The following DCT variants were observed in gnomAD, a reference collection of about 807,000 sequenced individuals.
DCT encodes L-dopachrome tautomerase.
DCT carries 47 observed loss-of-function variants against 53.0 expected under a neutral mutation model. The ratio of observed to expected loss-of-function variants is 0.89; its 90% confidence interval spans 0.70 to 1.13. The LOEUF (loss-of-function observed/expected upper bound fraction) is 1.13. Among genes scored for constraint, DCT ranks in the 50% most tolerant of loss-of-function variants. DCT has a pLI of 0.00. For synonymous variants in DCT, 244 were observed against 237.0 expected (o/e 1.03, Z -0.27); for missense variants, 669 against 637.4 (o/e 1.05, Z -0.53).
Position 94,458,299 on chromosome 13 carries a change from T to G in DCT, c.1179+1792A>C, listed in dbSNP as rs567290564. Among the ~76,000 whole-genome samples the G allele has an allele frequency of 7.6e-4, 115 of 152,104 alleles. 1 individual carries two copies. In the South Asian group the frequency reaches 0.022, roughly 29 times the overall value. Reference sequence around the variant, plus strand: ...ATCACCTAGCACAAGCCCAAACCCTTTCTGTCTTTTCCAACACCCACTGGC... The same window carrying G: ...ATCACCTAGCACAAGCCCAAACCCTGTCTGTCTTTTCCAACACCCACTGGC... On this transcript the variant is annotated intron_variant, in intron 6 of 7. Transcript: ENST00000377028.
At chr13:94,547,922 C>T in the DCT span, among the ~76,000 whole-genome samples, 2 of 139,178 alleles carry the variant, frequency 1.4e-5, no homozygotes, top group African/African-American at 5.6e-5. Flanking sequence ...CCTGGGACAC[C>T]ACTGCACTCC....
rs762895555 is a variant in DCT, at chr13:94,468,785, C to CA, written c.555dup (p.Val186CysfsTer9). 285 of 1,614,026 alleles carry CA rather than the reference C, an allele frequency of 1.8e-4. No homozygotes were observed. The highest frequency in any genetic ancestry group is 2.3e-4 in the Non-Finnish European group (274 of 1,180,040). On this transcript the variant is annotated frameshift_variant, in exon 2 of 8. Coordinates refer to ENST00000377028, the MANE Select transcript of DCT (RefSeq NM_001922.5). LOFTEE classifies it high-confidence loss of function. ...CTAACAGAATAATAATGGAGCCACACAAAAAAATCATAAACACTGCAGTTG... is the reference window on the plus strand; with the variant it reads ...CTAACAGAATAATAATGGAGCCACACAAAAAAAATCATAAACACTGCAGTTG...
chr13:94,493,283 C>T, the DCT span, among the ~76,000 whole-genome samples: 2 of 152,000 alleles, frequency 1.3e-5, no homozygotes, highest in South Asian at 2.1e-4. Flanking sequence ...CTGCCCCCCA[C>T]GACTTATGCT....
intron 4 of DCT, among the ~76,000 whole-genome samples, chr13:94,464,139 C>T (rs778837607): frequency 1.4e-4 from 21 of 152,176 alleles, no homozygotes; most frequent in South Asian, 2.1e-4. Flanking sequence ...TGTCCCTGCT[C>T]GTGGAGCACT....
intron 6 of DCT, chr13:94,445,784 A>G (rs2139283753): frequency 6.5e-7 from 1 of 1,539,166 alleles, no homozygotes; most frequent in Middle Eastern, 1.7e-4. Flanking sequence ...AAAATTTAAT[A>G]GAAATTTTGT....
chr13:94,527,405 G>GCAATATTT, the DCT span, among the ~76,000 whole-genome samples: 3 of 152,256 alleles, frequency 2.0e-5, no homozygotes, highest in East Asian at 5.8e-4. Flanking sequence ...CAAACAGGCA[G>GCAATATTT]GTGCCCCCTG....
Position 94,479,160 on chromosome 13 carries a change from C to T in DCT, c.96G>A (p.Val32=), listed in dbSNP as rs1473443555. 6.2e-7 allele frequency: 1 copy of T among 1,614,036 alleles called. No individual in the cohort carries two copies. The highest frequency in any genetic ancestry group is 1.1e-5 in the South Asian group (1 of 91,082). The change falls in exon 1 of 8, where the codon GTG becomes GTA. Residue 32 remains valine, a synonymous_variant. Coordinates refer to ENST00000377028, the MANE Select transcript of DCT (RefSeq NM_001922.5). ...AGCACTCCTTGTTCACTAGGCTGTC[C>T]ACCGTCATGCAGACTCGGGGGAACT... ...QGQFPRVCMT[V]DSLVNKECCP... is the part of the protein sequence containing the mutation.
Position 94,469,032 on chromosome 13 carries a change from G to C in DCT, c.309C>G (p.Gly103=), listed in dbSNP as rs1461152800. Residue 103 remains glycine (G), a synonymous_variant, in exon 2 of 8, where the codon GGC becomes GGG. Transcript: ENST00000377028. ...CAAACTTGCAGTCTCCACAATTATA[G>C]CCGGCAAAGTTTCCTAGTTCACAAA... The part of the protein sequence containing the change: ...RTCKCTGNFA[G]YNCGDCKFGW... 5 of 1,612,214 alleles carry C rather than the reference G, an allele frequency of 3.1e-6. No homozygotes were observed. The highest frequency in any genetic ancestry group is 4.2e-6 in the Non-Finnish European group (5 of 1,178,308).
chr13:94,462,176 T>C lies in DCT; in HGVS notation c.877A>G (p.Asn293Asp), dbSNP rs1249936350. Reference protein sequence around the residue: ...ETVCDSLDDYNHLVTLCNGTY... With the variant: ...ETVCDSLDDYDHLVTLCNGTY... ...CCATTGCACAAGGTGACCAGGTGGTTGTAGTCATCCAAGCTAAGATTTGTA... is the reference window on the plus strand; with the variant it reads ...CCATTGCACAAGGTGACCAGGTGGTCGTAGTCATCCAAGCTAAGATTTGTA... Residue 293 changes from asparagine (N) to aspartate (D), a missense_variant, in exon 5 of 8, where the codon AAC (asparagine) becomes GAC (aspartate). Asn to Asp is a conservative substitution (Grantham distance 23, BLOSUM62 1). Transcript: ENST00000377028. 1.9e-6 allele frequency: 3 copies of C among 1,612,168 alleles called. No homozygotes were observed. In the African/African-American group the frequency reaches 4.0e-5, roughly 22 times the overall value.
chr13:94,479,958 G>A (rs1170794257), upstream of DCT, among the ~76,000 whole-genome samples: 4 of 152,128 alleles, frequency 2.6e-5, no homozygotes, highest in South Asian at 2.1e-4. Flanking sequence ...TGAGCTCTTC[G>A]TCAAAGACCC....
At chr13:94,460,045 C>A (rs1883675588) in intron 6 of DCT, 46 bp downstream of exon 6, 1 of 1,578,034 alleles carries the variant, frequency 6.3e-7, no homozygotes, top group East Asian at 2.2e-5. Context: ...ATAAATCTGA[C>A]ATATTATCTA....
the DCT span, among the ~76,000 whole-genome samples, chr13:94,485,076 G>A: frequency 7.4e-6 from 1 of 135,996 alleles, no homozygotes; most frequent in Non-Finnish European, 1.6e-5. Flanking sequence ...TCCATGGCAG[G>A]ACTTGAGACA....
chr13:94,480,848 A>C (rs889212270), upstream of DCT, among the ~76,000 whole-genome samples: 6 of 152,254 alleles, frequency 3.9e-5, no homozygotes, highest in Admixed American at 3.9e-4. Context: ...ATCAGCTAAA[A>C]GAGACCATGT....
At position 94,439,761 on chromosome 13, in the gene DCT, T is replaced by C; in HGVS notation, c.*137A>G. ...AAACTACAGCTAAGCATCTTCTGAA[T>C]GAGATCATCATCACTATAGAAGAAC... On this transcript the variant is annotated 3_prime_UTR_variant, in exon 8 of 8. Transcript: ENST00000377028. 1.6e-6 allele frequency: 1 copy of C among 625,088 alleles called. No homozygotes were observed. The highest frequency in any genetic ancestry group is 2.6e-6 in the Non-Finnish European group (1 of 380,020). The allele number at this position is 625,088 out of a possible 1,614,324, so 38.7% of individuals were successfully genotyped here.
intron 6 of DCT, among the ~76,000 whole-genome samples, chr13:94,456,358 T>C (rs1194974028): frequency 2.6e-5 from 4 of 152,188 alleles, no homozygotes; most frequent in Admixed American, 2.6e-4. Flanking sequence ...CTTAGAATCA[T>C]TGAAAGCTAT....
the DCT span, among the ~76,000 whole-genome samples, chr13:94,488,310 G>T: frequency 1.3e-5 from 2 of 152,056 alleles, no homozygotes; most frequent in East Asian, 3.9e-4. Flanking sequence ...TTTGTAAGAG[G>T]TTGTATGGGC....
chr13:94,519,549 T>G, the DCT span, among the ~76,000 whole-genome samples: 1 of 152,186 alleles, frequency 6.6e-6, no homozygotes, highest in Non-Finnish European at 1.5e-5. Flanking sequence ...TAAAAGGGGT[T>G]ATTTCAGCAT....
chr13:94,462,475 T>C (rs1883878312), intron 4 of DCT, among the ~76,000 whole-genome samples: 1 of 150,898 alleles, frequency 6.6e-6, no homozygotes, highest in South Asian at 2.1e-4. Flanking sequence ...CCTCCAGCCT[T>C]AGTGACAGAG....
At chr13:94,546,067 T>C in the DCT span, among the ~76,000 whole-genome samples, 1 of 152,144 alleles carries the variant, frequency 6.6e-6, no homozygotes, top group Admixed American at 6.5e-5. The surrounding 1 kb of genome is among the most constrained non-coding windows in gnomAD (Gnocchi z 4.2). Flanking sequence ...TGGCACTTTC[T>C]TAGAGTACTT....
Sources: gnomAD v4.1 joint callset for allele counts (sites outside exome capture counted in the v4.1 genomes callset) on GRCh38, gnomAD v4.1.1 for gene constraint, Gnocchi (gnomAD v3.1) non-coding constraint, MANE v1.5 for transcripts, NCBI Gene and HGNC (gene_info 2026-07-23, HGNC 2026-07-21) for gene names.